IL1RAPL2: variants seen among roughly 807,000 people sequenced by gnomAD.
IL1RAPL2 encodes X-linked interleukin-1 receptor accessory protein-like 2.
Under a neutral mutation model 44.1 loss-of-function variants are expected in IL1RAPL2, and 3 were observed. The ratio of observed to expected loss-of-function variants is 0.07; its 90% CI spans 0.03 to 0.18. IL1RAPL2 has a LOEUF of 0.18. Among genes scored for constraint, IL1RAPL2 ranks in the 10% least tolerant of loss-of-function variants. The pLI is 1.00. For missense variants in IL1RAPL2, 391 were observed against 496.4 expected (o/e 0.79, Z 2.02); for synonymous variants, 181 against 178.8 (o/e 1.01, Z -0.10).
At chrX:105,401,753 TTACTC>T (rs1199970297) in intron 5 of IL1RAPL2, among the ~76,000 whole-genome samples, 2 of 110,841 alleles carry the variant, frequency 1.8e-5, no homozygotes, top group South Asian at 3.8e-4. Context: ...TTCTGATTAT[TTACTC>T]TAATTCTTAT....
At chrX:105,587,459 T>C (rs756567453) in intron 6 of IL1RAPL2, among the ~76,000 whole-genome samples, 21 of 111,702 alleles carry the variant, frequency 1.9e-4, no homozygotes, top group Non-Finnish European at 3.8e-4. Context: ...CTGTTATTGT[T>C]ACTATTTTCT....
At chrX:105,496,803 A>G (rs1280330132) in intron 6 of IL1RAPL2, among the ~76,000 whole-genome samples, 1 of 111,822 alleles carries the variant, frequency 8.9e-6, no homozygotes, top group Non-Finnish European at 1.9e-5. Context: ...CTGCTATTAT[A>G]TATATGTAAA....
At chrX:105,431,627 C>T (rs913641638) in intron 5 of IL1RAPL2, among the ~76,000 whole-genome samples, 3 of 111,076 alleles carry the variant, frequency 2.7e-5, no homozygotes, top group Non-Finnish European at 5.7e-5. Context: ...AAACTTTCGA[C>T]GGCTTTAGGC....
At chrX:104,606,985 A>T (rs1929029386) in intron 1 of IL1RAPL2, among the ~76,000 whole-genome samples, 1 of 111,957 alleles carries the variant, frequency 8.9e-6, no homozygotes, top group Admixed American at 9.5e-5. Context: ...CTGACTTCAA[A>T]CTATACTACA....
chrX:105,384,953 G>C (rs1443910358), intron 5 of IL1RAPL2, among the ~76,000 whole-genome samples: 1 of 111,019 alleles, frequency 9.0e-6, no homozygotes, highest in Non-Finnish European at 1.9e-5. Context: ...TGTTGATTTT[G>C]TTTCCCACAA....
intron 1 of IL1RAPL2, among the ~76,000 whole-genome samples, chrX:104,620,929 T>G (rs1929383085): frequency 9.7e-6 from 1 of 103,534 alleles, no homozygotes; most frequent in South Asian, 3.9e-4. Context: ...AATTCTATAA[T>G]TTATATAATA....
intron 2 of IL1RAPL2, among the ~76,000 whole-genome samples, chrX:104,775,537 T>C (rs1339476139): frequency 8.9e-6 from 1 of 112,013 alleles, no homozygotes; most frequent in Non-Finnish European, 1.9e-5. Flanking sequence ...TGTTAAAATA[T>C]GTATTGCATC....
chrX:105,173,519 G>C (rs2147601344), intron 2 of IL1RAPL2, among the ~76,000 whole-genome samples: 1 of 111,319 alleles, frequency 9.0e-6, no homozygotes, highest in African/African-American at 3.3e-5. Flanking sequence ...TGGCAGTCTG[G>C]GTTGTGTTAC....
chrX:104,779,069 T>TAG (rs1469443396), intron 2 of IL1RAPL2, among the ~76,000 whole-genome samples: 1 of 112,130 alleles, frequency 8.9e-6, no homozygotes, highest in Non-Finnish European at 1.9e-5. Flanking sequence ...TTCCATTGAC[T>TAG]TCTTCTCCCT....
chrX:104,847,186 T>C (rs190245469), intron 2 of IL1RAPL2, among the ~76,000 whole-genome samples: 1 of 112,177 alleles, frequency 8.9e-6, no homozygotes, highest in East Asian at 2.8e-4. Flanking sequence ...TTGCAGAAGC[T>C]CTTTAGTTTA....
At chrX:105,447,863 A>G (rs1312666188) in intron 5 of IL1RAPL2, among the ~76,000 whole-genome samples, 1 of 93,662 alleles carries the variant, frequency 1.1e-5, no homozygotes, top group Non-Finnish European at 2.0e-5. Context: ...AAATATATAT[A>G]AATATATTAT....
At chrX:105,081,716 C>T (rs2032410336) in intron 2 of IL1RAPL2, among the ~76,000 whole-genome samples, 1 of 111,639 alleles carries the variant, frequency 9.0e-6, no homozygotes, top group African/African-American at 3.3e-5. Context: ...GCATTTCCTG[C>T]ATCGATTGAG....
intron 2 of IL1RAPL2, among the ~76,000 whole-genome samples, chrX:105,123,853 C>A (rs2032948931): frequency 9.0e-6 from 1 of 110,861 alleles, no homozygotes; most frequent in South Asian, 3.8e-4. Context: ...AACCTACAGG[C>A]TTTTAAACAA....
chrX:105,622,411 C>A (rs997412276), intron 6 of IL1RAPL2, among the ~76,000 whole-genome samples: 5 of 110,134 alleles, frequency 4.5e-5, no homozygotes, highest in African/African-American at 1.6e-4. Context: ...AGTTGTCAGA[C>A]AGGAGCTAGA....
chrX:105,557,591 T>TA (rs2036905277), intron 6 of IL1RAPL2, among the ~76,000 whole-genome samples: 2 of 111,357 alleles, frequency 1.8e-5, no homozygotes, highest in South Asian at 7.5e-4. Flanking sequence ...CAATTCACTT[T>TA]CCTTGAAATA....
At chrX:104,840,482 A>G (rs1288264543) in intron 2 of IL1RAPL2, among the ~76,000 whole-genome samples, 1 of 111,369 alleles carries the variant, frequency 9.0e-6, no homozygotes, top group Non-Finnish European at 1.9e-5. Context: ...TTTTACTTCC[A>G]ATAATGTGGT....
intron 5 of IL1RAPL2, among the ~76,000 whole-genome samples, chrX:105,343,441 A>C (rs1348955879): frequency 8.9e-6 from 1 of 111,769 alleles, no homozygotes; most frequent in Non-Finnish European, 1.9e-5. Flanking sequence ...TGTCCTTACA[A>C]TTTTGTATGG....
In IL1RAPL2 at chrX:105,468,996, A is replaced by C. The variant is rs756695408; in HGVS notation, c.698-15317A>C. Reference sequence around the variant, plus strand: ...TCAGGTCCAAAACTCCAACTGCAAAAGCACAGTCTTAGAATTTTATTTGGC... The same window carrying C: ...TCAGGTCCAAAACTCCAACTGCAAACGCACAGTCTTAGAATTTTATTTGGC... On this transcript the variant is annotated intron_variant, in intron 5 of 10. Coordinates refer to ENST00000372582, the MANE Select transcript of IL1RAPL2 (RefSeq NM_017416.2). 3.6e-5 allele frequency among the ~76,000 whole-genome samples: 4 copies of C among 111,969 alleles called. No individual in the cohort carries two copies. The Admixed American group carries it at 3.8e-4, about 11-fold the overall frequency.
chrX:105,219,930 G>A (rs2147625825), intron 3 of IL1RAPL2: 1 of 1,163,082 alleles, frequency 8.6e-7, no homozygotes, highest in East Asian at 3.0e-5. Flanking sequence ...ACCAGTTGAG[G>A]GATCTTACTG....
Sources: gnomAD v4.1 joint callset for allele counts (sites outside exome capture counted in the v4.1 genomes callset) on GRCh38, gnomAD v4.1.1 for gene constraint, MANE v1.5 for transcripts, NCBI Gene and HGNC (gene_info 2026-07-23, HGNC 2026-07-21) for gene names.